AHNAK: variants seen among roughly 807,000 people sequenced by gnomAD.
The protein encoded by AHNAK is AHNAK nucleoprotein.
In AHNAK, 23 loss-of-function variants were observed where a neutral mutation model predicts 37.8. The observed-to-expected ratio is 0.61, with a 90% CI of 0.44 to 0.86. AHNAK has a LOEUF of 0.86. AHNAK is among the 40% of genes least tolerant of loss of function. AHNAK has a pLI of 0.00. For synonymous variants in AHNAK, 2,481 were observed against 2,636.3 expected (o/e 0.94, Z 1.80); for missense variants, 7,411 against 7,319.4 (o/e 1.01, Z -0.46).
intron 5 of AHNAK, among the ~76,000 whole-genome samples, chr11:62,491,273 T>A (rs1939500809): frequency 6.6e-6 from 1 of 151,286 alleles, no homozygotes; most frequent in East Asian, 1.9e-4. Flanking sequence ...TGTGGGCATC[T>A]CCCTCCTAGG....
At position 62,468,358 on chromosome 11, in the gene AHNAK, G is replaced by GA. The variant is rs67985309; in HGVS notation, c.442+23373dup. Among the ~76,000 whole-genome samples the GA allele has an allele frequency of 8.6e-3, 1,272 of 148,414 alleles. 20 individuals carry two copies. The highest frequency in any genetic ancestry group is 0.03 in the African/African-American group (1,219 of 40,176). ...GCGAGACTCTGTCTCCCAAAAAAAA[G>GA]AAAAAAAAAAAAAATATATATATAT... On this transcript the variant is annotated intron_variant, in intron 5 of 5. Transcript: ENST00000257247.
At position 62,444,229 on chromosome 11, in the gene AHNAK, G is replaced by C. The variant is rs542716968; in HGVS notation, c.443-10338C>G. On this transcript the variant is annotated intron_variant, in intron 5 of 5. Transcript: ENST00000257247. Reference sequence around the variant, plus strand: ...AGATAATACTCATAAGTGAGCCTGGGGGGACTTGTTCTATGGGCTGGGACT... The same window carrying C: ...AGATAATACTCATAAGTGAGCCTGGCGGGACTTGTTCTATGGGCTGGGACT... 1.4e-3 allele frequency among the ~76,000 whole-genome samples: 207 copies of C among 152,154 alleles called. 1 individual carries two copies. Among genetic ancestry groups the C allele is most frequent in the Admixed American group, 5.7e-3 (87 of 15,284 alleles).
intron 5 of AHNAK, among the ~76,000 whole-genome samples, chr11:62,486,244 G>C (rs144077497): frequency 0.06 from 9,096 of 151,998 alleles, 862 homozygotes; most frequent in African/African-American, 0.21. Context: ...GGAGGCCGAG[G>C]TGGGTGGATC....
chr11:62,477,069 T>G (rs1421940488), intron 5 of AHNAK, among the ~76,000 whole-genome samples: 1 of 152,164 alleles, frequency 6.6e-6, no homozygotes, highest in Non-Finnish European at 1.5e-5. Flanking sequence ...CTCTGCCATA[T>G]TCACTTGACC....
Position 62,521,756 on chromosome 11 carries a change from C to T in AHNAK, c.12661G>A (p.Gly4221Arg), listed in dbSNP as rs1382542087. 7 of 1,613,816 alleles carry T rather than the reference C, an allele frequency of 4.3e-6. No individual in the cohort carries two copies. The highest frequency in any genetic ancestry group is 5.1e-6 in the Non-Finnish European group (6 of 1,179,972). ...NLPKADLDVSGPKVDIDVPDV... is the reference protein window; with the variant it reads ...NLPKADLDVSRPKVDIDVPDV... ...GGAACATCAATGTCCACCTTGGGTC[C>T]TGAGACGTCAAGGTCAGCCTTGGGC... Residue 4221 changes from glycine to arginine, a missense_variant, in exon 5 of 5, where the codon GGA (glycine) becomes AGA (arginine). Physicochemically the swap from Gly to Arg is moderately radical, Grantham distance 125. Transcript: ENST00000378024.
chr11:62,465,423 A>G (rs76708138), intron 5 of AHNAK, among the ~76,000 whole-genome samples: 1 of 151,508 alleles, frequency 6.6e-6, no homozygotes, highest in Non-Finnish European at 1.5e-5. Flanking sequence ...GACCAGCCTG[A>G]CCAACATGGT....
Position 62,530,704 on chromosome 11 carries a change from A to G in AHNAK, c.3713T>C (p.Ile1238Thr), listed in dbSNP as rs1445982994. 1.9e-6 allele frequency: 3 copies of G among 1,613,372 alleles called. No homozygotes were observed. The South Asian group carries it at 3.3e-5, about 18-fold the overall frequency. The change falls in exon 5 of 5, where the codon ATT becomes ACT. Residue 1238 changes from isoleucine to threonine, a missense_variant. Transcript: ENST00000378024. Reference protein sequence around the residue: ...DVEIKGPKMDIDAPDVEVQGP... With the variant: ...DVEIKGPKMDTDAPDVEVQGP... ...TTGAACCTCCACATCTGGGGCATCA[A>G]TGTCCATTTTGGGTCCTTTGATTTC...
intron 5 of AHNAK, among the ~76,000 whole-genome samples, chr11:62,459,932 G>A (rs1938748636): frequency 6.6e-6 from 1 of 152,078 alleles, no homozygotes. Flanking sequence ...CTGAGGTCAG[G>A]AGTTCAAGGC....
intron 5 of AHNAK, among the ~76,000 whole-genome samples, chr11:62,435,711 C>T (rs1938153156): frequency 6.6e-6 from 1 of 152,168 alleles, no homozygotes; most frequent in Admixed American, 6.5e-5. Flanking sequence ...CCGCACCCGG[C>T]CTATTTATTT....
chr11:62,536,094 T>C lies in AHNAK; in HGVS notation c.5A>G (p.Glu2Gly), dbSNP rs1940939297. 6.3e-7 allele frequency: 1 copy of C among 1,578,858 alleles called. No individual in the cohort carries two copies. Among genetic ancestry groups the C allele is most frequent in the Non-Finnish European group, 8.6e-7 (1 of 1,160,482 alleles). Reference sequence around the variant, plus strand: ...CAGCTCCCGGGTTGTCTCCTCCTTCTCCATCTGGAATGAGGTGAGGAAATG... The same window carrying C: ...CAGCTCCCGGGTTGTCTCCTCCTTCCCCATCTGGAATGAGGTGAGGAAATG... The part of the protein sequence containing the change: M[E>G]KEETTRELLL... Residue 2 changes from glutamate to glycine, a missense_variant, in exon 3 of 5, where the codon GAG becomes GGG. Coordinates refer to ENST00000378024, the MANE Select transcript of AHNAK (RefSeq NM_001620.3).
At chr11:62,469,948 GAAAAACCTCAT>G in intron 5 of AHNAK, among the ~76,000 whole-genome samples, 1 of 152,158 alleles carries the variant, frequency 6.6e-6, no homozygotes, top group Non-Finnish European at 1.5e-5. Flanking sequence ...AAAATCACAT[GAAAAACCTCAT>G]AGGGTTTAGA....
intron 5 of AHNAK, among the ~76,000 whole-genome samples, chr11:62,457,902 A>G (rs1938696695): frequency 6.7e-6 from 1 of 149,502 alleles, no homozygotes; most frequent in Non-Finnish European, 1.5e-5. Flanking sequence ...CTAAAAGAGA[A>G]GCTGAATTTT....
Position 62,526,096 on chromosome 11 carries a change from A to G in AHNAK, c.8321T>C (p.Ile2774Thr). The G allele has an allele frequency of 6.2e-7, 1 of 1,612,758 alleles. No individual in the cohort carries two copies. Among genetic ancestry groups the G allele is most frequent in the East Asian group, 2.2e-5 (1 of 44,782 alleles). Reference sequence around the variant, plus strand: ...TTCTCCTTTGAAGCCAGGCATGCTGATCTTGGGCATTTTTATCTTGGGCAT... The same window carrying G: ...TTCTCCTTTGAAGCCAGGCATGCTGGTCTTGGGCATTTTTATCTTGGGCAT... ...LKMPKIKMPK[I>T]SMPGFKGEGP... Residue 2774 changes from isoleucine (I) to threonine (T), a missense_variant, in exon 5 of 5, where the codon ATC becomes ACC. Physicochemically the swap from Ile to Thr is moderately conservative, Grantham distance 89 (BLOSUM62 -1). Coordinates refer to ENST00000378024, the MANE Select transcript of AHNAK (RefSeq NM_001620.3).
rs144479151 is a variant in AHNAK at position 62,532,969 on chromosome 11, A to C, written c.1448T>G (p.Met483Arg). The C allele has an allele frequency of 9.2e-5, 149 of 1,614,038 alleles. No individual in the cohort carries two copies. The African/African-American group carries it at 1.6e-3, about 17-fold the overall frequency. The change falls in exon 5 of 5, where the codon ATG (methionine) becomes AGG (arginine). Residue 483 changes from methionine to arginine, a missense_variant. Met to Arg is a moderately conservative substitution (Grantham distance 91, BLOSUM62 -1). Transcript: ENST00000378024. ...AGGAGTCTTCACTTTAGTACCTTTC[A>C]TCTTTCCTTCCAGCCCACCAGTAGC... ...EIATGGLEGKMKGTKVKTPEM... is the reference protein window; with the variant it reads ...EIATGGLEGKRKGTKVKTPEM...
chr11:62,495,000 CA>C (rs34419128), intron 4 of AHNAK, among the ~76,000 whole-genome samples: 410 of 121,738 alleles, frequency 3.4e-3, no homozygotes, highest in Admixed American at 4.6e-3. Flanking sequence ...AACTCCATCT[CA>C]AAAAAAAAAA....
At chr11:62,458,039 G>A (rs1363758778) in intron 5 of AHNAK, among the ~76,000 whole-genome samples, 4 of 150,400 alleles carry the variant, frequency 2.7e-5, no homozygotes, top group Non-Finnish European at 5.9e-5. Flanking sequence ...TCAGCCTCCC[G>A]AGTAGCTGGG....
rs778906497 is a variant in AHNAK at position 62,533,220 on chromosome 11, G to C, written c.1197C>G (p.Ala399=). Residue 399 remains alanine (A), a synonymous_variant, in exon 5 of 5, where the codon GCC becomes GCG. Coordinates refer to ENST00000378024, the MANE Select transcript of AHNAK (RefSeq NM_001620.3). ...AKPQGHIGVD[A]SAPQIGGSIT... is the part of the protein sequence containing the mutation. ...TGCTACCCCCAATTTGGGGAGCAGA[G>C]GCATCCACCCCAATGTGCCCCTGTG... The C allele has an allele frequency of 6.3e-5, 96 of 1,526,696 alleles. No individual in the cohort carries two copies. The Admixed American group carries it at 6.6e-4, about 10-fold the overall frequency. 94.6% of individuals were successfully genotyped at this position (1,526,696 alleles called of 1,614,324 possible). A position where few individuals can be genotyped will look rare whatever the true frequency, so the allele number is the denominator to read the frequency against.
chr11:62,438,385 G>C (rs1001890394), intron 5 of AHNAK, among the ~76,000 whole-genome samples: 3 of 151,952 alleles, frequency 2.0e-5, no homozygotes, highest in African/African-American at 7.3e-5. Flanking sequence ...GTTTCACCGT[G>C]TTTATCAGGC....
intron 4 of AHNAK, among the ~76,000 whole-genome samples, chr11:62,509,853 G>A (rs1249708682): frequency 6.6e-6 from 1 of 152,082 alleles, no homozygotes; most frequent in Non-Finnish European, 1.5e-5. Flanking sequence ...AGGAGGTGGA[G>A]GTTGCAGTGA....
Sources: allele counts gnomAD v4.1 joint callset (sites outside exome capture counted in the v4.1 genomes callset), GRCh38; gene constraint gnomAD v4.1.1; transcripts MANE v1.5; gene names NCBI Gene and HGNC (gene_info 2026-07-23, HGNC 2026-07-21).